PPP3R1: variants seen among roughly 807,000 people sequenced by gnomAD.
PPP3R1 encodes the protein protein phosphatase 3 regulatory subunit B, alpha.
In PPP3R1, 5 loss-of-function variants were observed where a neutral mutation model predicts 22.6. The observed-to-expected ratio is 0.22, with a 90% CI of 0.12 to 0.46. The LOEUF (loss-of-function observed/expected upper bound fraction) is 0.46, where lower values mean the gene tolerates loss of function less well. Ranked by LOEUF, PPP3R1 falls within the 20% of genes least tolerant of loss-of-function variation. The pLI is 0.99. For synonymous variants in PPP3R1, 56 were observed against 65.2 expected (o/e 0.86, Z 0.68); for missense variants, 61 against 203.2 (o/e 0.30, Z 4.25).
At chr2:68,246,704 C>G (rs1243173393) in intron 1 of PPP3R1, among the ~76,000 whole-genome samples, 2 of 152,210 alleles carry the variant, frequency 1.3e-5, no homozygotes, top group African/African-American at 4.8e-5. Context: ...TGACAAACTT[C>G]ACAGGCTCCT....
In PPP3R1 at chr2:68,224,465, A is replaced by C. The variant is rs553204311; in HGVS notation, c.4-7334T>G. Among the ~76,000 whole-genome samples, 4 of 152,240 alleles carry C rather than the reference A, an allele frequency of 2.6e-5. No individual in the cohort carries two copies. The South Asian group carries it at 8.3e-4, about 32-fold the overall frequency. On this transcript the variant is annotated intron_variant, in intron 1 of 5. Transcript: ENST00000234310. ...CACTTGAGGTCAGGAGTTTGAAACC[A>C]GCCTGACCAACATGGTGAAACCCTG...
In PPP3R1 at chr2:68,220,034, T is replaced by C. The variant is rs544260173; in HGVS notation, c.4-2903A>G. On this transcript the variant is annotated intron_variant, in intron 1 of 5. Coordinates refer to ENST00000234310, the MANE Select transcript of PPP3R1 (RefSeq NM_000945.4). ...CCACTTGACCAGTGTTAAAAAAAAC[T>C]AGTAAATCAGAAAAATTTTATCAAA... Among the ~76,000 whole-genome samples the C allele has an allele frequency of 6.6e-5, 10 of 152,102 alleles. No homozygotes were observed. The South Asian group carries it at 8.3e-4, about 13-fold the overall frequency.
At chr2:68,195,561 T>C (rs531381633) in intron 2 of PPP3R1, among the ~76,000 whole-genome samples, 119 of 152,288 alleles carry the variant, frequency 7.8e-4, no homozygotes, top group Non-Finnish European at 1.5e-3. Flanking sequence ...TACTCTTTTC[T>C]CCTCAAACTC....
intron 2 of PPP3R1, among the ~76,000 whole-genome samples, chr2:68,199,593 A>C (rs577049776): frequency 6.6e-6 from 1 of 152,336 alleles, no homozygotes; most frequent in South Asian, 2.1e-4. Flanking sequence ...TGAACAAAGT[A>C]AAGGTTTTTT....
chr2:68,185,927 C>A (rs187963311), intron 5 of PPP3R1, among the ~76,000 whole-genome samples: 19 of 152,370 alleles, frequency 1.2e-4, no homozygotes, highest in Admixed American at 5.9e-4. Context: ...TCAGTTCTCA[C>A]ATAACACACA....
intron 1 of PPP3R1, among the ~76,000 whole-genome samples, chr2:68,232,714 C>T (rs539021676): frequency 2.0e-5 from 3 of 152,072 alleles, no homozygotes; most frequent in Non-Finnish European, 4.4e-5. Context: ...TCAAGCAATT[C>T]TCCTGCCTCA....
intron 1 of PPP3R1, among the ~76,000 whole-genome samples, chr2:68,229,886 G>GTATA (rs747692203): frequency 6.6e-5 from 10 of 150,826 alleles, no homozygotes; most frequent in African/African-American, 2.4e-4. Flanking sequence ...ATGTATGTGT[G>GTATA]TATATATATA....
At position 68,234,435 on chromosome 2, in the gene PPP3R1, A is replaced by G. The variant is rs574065435; in HGVS notation, c.4-17304T>C. Reference sequence around the variant, plus strand: ...TTGAACTCAAGCTAATATAAATCCCATAACATTCTTACCAACATATCATAA... The same window carrying G: ...TTGAACTCAAGCTAATATAAATCCCGTAACATTCTTACCAACATATCATAA... On this transcript the variant is annotated intron_variant, in intron 1 of 5. Coordinates refer to ENST00000234310, the MANE Select transcript of PPP3R1 (RefSeq NM_000945.4). Among the ~76,000 whole-genome samples the G allele has an allele frequency of 7.2e-5, 11 of 152,304 alleles. No homozygotes were observed. In the South Asian group the frequency reaches 1.9e-3, roughly 26 times the overall value.
intron 2 of PPP3R1, among the ~76,000 whole-genome samples, chr2:68,208,285 A>G (rs1201103198): frequency 6.6e-6 from 1 of 152,210 alleles, no homozygotes; most frequent in Non-Finnish European, 1.5e-5. Flanking sequence ...AATGACTCAA[A>G]TAATAGTTCT....
chr2:68,183,526 A>G (rs1018165708), intron 5 of PPP3R1, among the ~76,000 whole-genome samples: 2 of 152,064 alleles, frequency 1.3e-5, no homozygotes, highest in Non-Finnish European at 2.9e-5. Flanking sequence ...TTCATTTTTG[A>G]TTATTTATTT....
At chr2:68,193,939 T>C (rs540556017) in intron 2 of PPP3R1, among the ~76,000 whole-genome samples, 1 of 152,222 alleles carries the variant, frequency 6.6e-6, no homozygotes, top group African/African-American at 2.4e-5. Flanking sequence ...CATATTCCCT[T>C]AAAAGAGATG....
chr2:68,196,548 T>C (rs563085199), intron 2 of PPP3R1, among the ~76,000 whole-genome samples: 1 of 152,264 alleles, frequency 6.6e-6, no homozygotes, highest in Non-Finnish European at 1.5e-5. Flanking sequence ...CTTAAATACA[T>C]GAAAAACTCA....
intron 2 of PPP3R1, among the ~76,000 whole-genome samples, chr2:68,190,766 C>G (rs1434686871): frequency 7.9e-5 from 12 of 152,086 alleles, no homozygotes; most frequent in African/African-American, 2.9e-4. Flanking sequence ...CTCCCCCTCA[C>G]CCCCACAACT....
At chr2:68,215,720 A>G (rs1041015643) in intron 2 of PPP3R1, among the ~76,000 whole-genome samples, 3 of 152,204 alleles carry the variant, frequency 2.0e-5, no homozygotes, top group Admixed American at 6.5e-5. Flanking sequence ...ACCAACAAAC[A>G]TACTACAATG....
intron 1 of PPP3R1, among the ~76,000 whole-genome samples, chr2:68,244,096 C>G (rs556193273): frequency 6.6e-6 from 1 of 152,100 alleles, no homozygotes; most frequent in Admixed American, 6.5e-5. Flanking sequence ...AATTAACATA[C>G]GGATCTAAAA....
chr2:68,236,053 A>G (rs1353245728), intron 1 of PPP3R1, among the ~76,000 whole-genome samples: 2 of 150,574 alleles, frequency 1.3e-5, no homozygotes, highest in African/African-American at 4.9e-5. Context: ...TTGCTGAGTT[A>G]TAAGAATTGT....
intron 2 of PPP3R1, among the ~76,000 whole-genome samples, chr2:68,210,131 C>T (rs1345205285): frequency 6.6e-6 from 1 of 152,192 alleles, no homozygotes; most frequent in African/African-American, 2.4e-5. Flanking sequence ...TGTCTGCTTG[C>T]AAGGAAGGTT....
intron 1 of PPP3R1, among the ~76,000 whole-genome samples, chr2:68,244,227 T>G (rs1472486248): frequency 6.6e-6 from 1 of 152,230 alleles, no homozygotes; most frequent in Non-Finnish European, 1.5e-5. Context: ...TAAGCTCTTT[T>G]CTGGTTAAAA....
intron 1 of PPP3R1, among the ~76,000 whole-genome samples, chr2:68,239,559 A>G (rs1038936984): frequency 1.3e-5 from 2 of 152,208 alleles, no homozygotes; most frequent in Non-Finnish European, 2.9e-5. Flanking sequence ...CTTAGAAACA[A>G]CCTTATTTAA....
Sources: allele counts gnomAD v4.1 joint callset (sites outside exome capture counted in the v4.1 genomes callset), GRCh38; gene constraint gnomAD v4.1.1; transcripts MANE v1.5; gene names NCBI Gene and HGNC (gene_info 2026-07-23, HGNC 2026-07-21).